Variants in UBAP2 observed in about 807,000 individuals in gnomAD.
The protein encoded by UBAP2 is ubiquitin associated protein 2, also known as ubiquitin-associated protein 2.
Under a neutral mutation model 139.6 loss-of-function variants are expected in UBAP2, and 75 were observed. The observed-to-expected ratio is 0.54, with a 90% CI of 0.45 to 0.65. UBAP2 has a LOEUF of 0.65. Ranked by LOEUF, UBAP2 falls within the 30% of genes least tolerant of loss-of-function variation. The probability of loss-of-function intolerance (pLI) is 0.00; values close to 1 mark genes in which losing one functional copy is unlikely to be tolerated. For missense variants in UBAP2, 1,368 were observed against 1,369.6 expected (o/e 1.00, Z 0.02); for synonymous variants, 526 against 526.2 (o/e 1.00, Z 0.01).
Position 33,956,193 on chromosome 9 carries a change from A to C in UBAP2, c.799-47T>G, listed in dbSNP as rs541205216. The C allele has an allele frequency of 4.0e-5, 55 of 1,376,102 alleles. No individual in the cohort carries two copies. The South Asian group carries it at 6.5e-4, about 16-fold the overall frequency. 85.2% of individuals were successfully genotyped at this position (1,376,102 alleles called of 1,614,324 possible). ...TTAATCTTATTCTACATACTACTAA[A>C]CCCAAAACACTGACTTCCTGATCAT... On this transcript the variant is annotated intron_variant, in intron 10 of 28. Transcript: ENST00000379238.
chr9:33,997,184 A>G (rs1822277966), intron 3 of UBAP2: 1 of 152,242 alleles, frequency 6.6e-6, no homozygotes, highest in Admixed American at 6.5e-5. Context: ...CTATGCTTGA[A>G]GTAATGATGA....
At chr9:33,927,140 AG>A (rs1823511096) in intron 20 of UBAP2, 60 bp from the exon 21 acceptor site, 1 of 1,351,372 alleles carries the variant, frequency 7.4e-7, no homozygotes, top group Non-Finnish European at 1.0e-6. Flanking sequence ...GAGAGTCCTC[AG>A]CTGCTTCAGG....
chr9:34,042,183 T>C (rs1827153840), intron 1 of UBAP2, among the ~76,000 whole-genome samples: 1 of 151,712 alleles, frequency 6.6e-6, no homozygotes. Flanking sequence ...AAAATTATTG[T>C]AAAAAAGTAA....
intron 8 of UBAP2, among the ~76,000 whole-genome samples, chr9:33,970,200 A>G (rs903312152): frequency 1.3e-5 from 2 of 151,552 alleles, no homozygotes; most frequent in Non-Finnish European, 2.9e-5. Context: ...CCTAATATCT[A>G]TATGATCCAT....
Position 33,953,396 on chromosome 9 carries a change from T to A in UBAP2, c.945A>T (p.Gln315His), listed in dbSNP as rs1323506098. 4.3e-6 allele frequency: 7 copies of A among 1,614,030 alleles called. No homozygotes were observed. The highest frequency in any genetic ancestry group is 4.2e-6 in the Non-Finnish European group (5 of 1,180,024). ...ASEANSFETS[Q>H]QQGFGQALVF... ...CAAGGGCTTGGCCAAAGCCCTGCTGTTGGGAAGTTTCAAAGGAGTTGGCTT... is the reference window on the plus strand; with the variant it reads ...CAAGGGCTTGGCCAAAGCCCTGCTGATGGGAAGTTTCAAAGGAGTTGGCTT... The change falls in exon 12 of 29, where the codon CAA becomes CAT. Residue 315 changes from glutamine (Q) to histidine (H), a missense_variant. Physicochemically the swap from Gln to His is conservative, Grantham distance 24 (BLOSUM62 0). Transcript: ENST00000379238.
chr9:33,990,263 T>C (rs527247371), intron 4 of UBAP2, among the ~76,000 whole-genome samples: 4 of 152,194 alleles, frequency 2.6e-5, no homozygotes, highest in Non-Finnish European at 5.9e-5. Context: ...TTTATGCTTT[T>C]TAAAAATCTT....
At chr9:33,962,602 T>C (rs1313182972) in intron 9 of UBAP2, among the ~76,000 whole-genome samples, 2 of 150,224 alleles carry the variant, frequency 1.3e-5, no homozygotes, top group African/African-American at 4.9e-5. Context: ...GCTGAGATCA[T>C]GCCACTGCTC....
At chr9:34,008,627 G>C (rs540111253) in intron 2 of UBAP2, among the ~76,000 whole-genome samples, 1 of 5,578 alleles carries the variant, frequency 1.8e-4, no homozygotes, top group Non-Finnish European at 4.1e-4. Flanking sequence ...ACTGCAAAGC[G>C]TAAGATATAT....
At chr9:34,023,845 C>G (rs1305893480) in intron 1 of UBAP2, among the ~76,000 whole-genome samples, 4 of 151,480 alleles carry the variant, frequency 2.6e-5, no homozygotes, top group Non-Finnish European at 5.9e-5. Context: ...GAGATCGAGG[C>G]CATCCTGGCT....
intron 21 of UBAP2, among the ~76,000 whole-genome samples, 153 bp from the exon 22 acceptor site, chr9:33,926,817 G>A (rs1276422607): frequency 2.0e-5 from 3 of 152,310 alleles, no homozygotes; most frequent in East Asian, 1.9e-4. Context: ...CTGCCTTCAC[G>A]GAGTCTAGAT....
intron 1 of UBAP2, among the ~76,000 whole-genome samples, chr9:34,021,768 G>A (rs558410561): frequency 6.6e-6 from 1 of 151,976 alleles, no homozygotes; most frequent in South Asian, 2.1e-4. Context: ...CAAGCAGCTG[G>A]GACTACAGAC....
chr9:33,940,334 C>G (rs1436936950), intron 16 of UBAP2, among the ~76,000 whole-genome samples: 1 of 152,078 alleles, frequency 6.6e-6, no homozygotes, highest in Non-Finnish European at 1.5e-5. Flanking sequence ...GGGGCAAGGG[C>G]TTGGATTTAC....
intron 2 of UBAP2, among the ~76,000 whole-genome samples, chr9:34,005,616 G>C (rs1823138408): frequency 6.6e-6 from 1 of 151,102 alleles, no homozygotes; most frequent in African/African-American, 2.4e-5. Flanking sequence ...AAGAATAACA[G>C]AGAATAAAAC....
At chr9:33,967,027 CTATT>C (rs909628342) in intron 8 of UBAP2, among the ~76,000 whole-genome samples, 2 of 151,994 alleles carry the variant, frequency 1.3e-5, no homozygotes, top group African/African-American at 4.8e-5. Context: ...GTATATCCCT[CTATT>C]TATTGTCTTC....
intron 11 of UBAP2, among the ~76,000 whole-genome samples, chr9:33,954,231 T>C (rs1360029336): frequency 6.7e-6 from 1 of 148,906 alleles, no homozygotes; most frequent in Non-Finnish European, 1.5e-5. Flanking sequence ...TCTTAAATTT[T>C]TACATTCTAT....
intron 4 of UBAP2, chr9:33,995,257 T>G (rs1587629829): frequency 6.6e-6 from 1 of 151,252 alleles, no homozygotes; most frequent in South Asian, 2.1e-4. Context: ...CTTGGGAGGC[T>G]GAGGCAAAAG....
At chr9:33,964,637 T>C (rs115247750) in intron 8 of UBAP2, among the ~76,000 whole-genome samples, 3 of 151,628 alleles carry the variant, frequency 2.0e-5, no homozygotes, top group Non-Finnish European at 2.9e-5. Flanking sequence ...GAGTTTGAGG[T>C]TGTAGTGCAC....
At chr9:33,989,555 C>A (rs932987709) in intron 4 of UBAP2, among the ~76,000 whole-genome samples, 1 of 152,206 alleles carries the variant, frequency 6.6e-6, no homozygotes, top group African/African-American at 2.4e-5. Context: ...ACCTGCTTAT[C>A]ATTTAAATTC....
chr9:33,983,338 A>T (rs1178715864), intron 6 of UBAP2, among the ~76,000 whole-genome samples: 1 of 152,198 alleles, frequency 6.6e-6, no homozygotes, highest in Non-Finnish European at 1.5e-5. Context: ...TGTAGTCAGT[A>T]GTGGGATTTC....
Sources: allele counts gnomAD v4.1 joint callset (sites outside exome capture counted in the v4.1 genomes callset), GRCh38; gene constraint gnomAD v4.1.1; transcripts MANE v1.5; gene names NCBI Gene and HGNC (gene_info 2026-07-23, HGNC 2026-07-21).